SYPL1: variants seen among roughly 807,000 people sequenced by gnomAD.
SYPL1 encodes synaptophysin like 1, also known as synaptophysin-like protein 1.
A neutral mutation model predicts 23.7 loss-of-function variants in SYPL1; 6 were observed. The ratio of observed to expected loss-of-function variants is 0.25; its 90% CI spans 0.14 to 0.50. SYPL1 has a LOEUF of 0.50. Among genes scored for constraint, SYPL1 ranks in the 20% least tolerant of loss-of-function variants. SYPL1 has a pLI of 0.98. For synonymous variants in SYPL1, 102 were observed against 104.5 expected (o/e 0.98, Z 0.15); for missense variants, 253 against 288.9 (o/e 0.88, Z 0.90).
intron 1 of SYPL1, among the ~76,000 whole-genome samples, chr7:106,110,463 T>A (rs1406280824): frequency 6.6e-6 from 1 of 152,224 alleles, no homozygotes; most frequent in Non-Finnish European, 1.5e-5. Flanking sequence ...ATGGCATTTT[T>A]GTATTTTGTA....
At chr7:106,111,563 C>T (rs1790150958) in intron 1 of SYPL1, among the ~76,000 whole-genome samples, 1 of 152,204 alleles carries the variant, frequency 6.6e-6, no homozygotes, top group Non-Finnish European at 1.5e-5. Flanking sequence ...TGACTCGATG[C>T]GTTTTGTTAA....
intron 1 of SYPL1, among the ~76,000 whole-genome samples, chr7:106,099,581 A>T (rs1840209137): frequency 6.6e-6 from 1 of 151,972 alleles, no homozygotes; most frequent in Non-Finnish European, 1.5e-5. Flanking sequence ...TTTAGTAGAG[A>T]TGAGGCCTCG....
rs1206407796 is a variant in SYPL1 at position 106,091,380 on chromosome 7, A to G, written c.*425T>C. The G allele has an allele frequency of 6.5e-6, 1 of 153,464 alleles. No individual in the cohort carries two copies. Among genetic ancestry groups the G allele is most frequent in the African/African-American group, 2.4e-5 (1 of 41,496 alleles). 9.5% of individuals were successfully genotyped at this position (153,464 alleles called of 1,614,324 possible). A position where few individuals can be genotyped will look rare whatever the true frequency, so the allele number is the denominator to read the frequency against. On this transcript the variant is annotated 3_prime_UTR_variant, in exon 5 of 5. Transcript: ENST00000455385. The surrounding 1 kb of genome is among the most constrained non-coding windows in gnomAD (Gnocchi z 5.0). ...CATATTTATGTAATCAAGGCTCTTTAAGCAAAGACAGGTGGTAGGTATATG... is the reference window on the plus strand; with the variant it reads ...CATATTTATGTAATCAAGGCTCTTTGAGCAAAGACAGGTGGTAGGTATATG...
chr7:106,094,558 T>C, intron 3 of SYPL1, among the ~76,000 whole-genome samples: 1 of 152,364 alleles, frequency 6.6e-6, no homozygotes, highest in South Asian at 2.1e-4. Flanking sequence ...TTCTGCACTG[T>C]GGAAGTACTC....
chr7:106,112,013 C>A, intron 1 of SYPL1, 127 bp downstream of exon 1: 1 of 1,121,048 alleles, frequency 8.9e-7, no homozygotes, highest in Non-Finnish European at 1.1e-6. Flanking sequence ...CGTCCACTCC[C>A]AGTCCCGGGG....
At chr7:106,106,027 T>C (rs1017224048) in intron 1 of SYPL1, among the ~76,000 whole-genome samples, 1 of 152,146 alleles carries the variant, frequency 6.6e-6, no homozygotes, top group Non-Finnish European at 1.5e-5. Flanking sequence ...TCAACAGCCA[T>C]ATTACAAGGT....
At chr7:106,111,337 G>C (rs894926073) in intron 1 of SYPL1, among the ~76,000 whole-genome samples, 9 of 152,214 alleles carry the variant, frequency 5.9e-5, no homozygotes, top group Non-Finnish European at 1.2e-4. Flanking sequence ...AGTGGGCCGC[G>C]AAGTTTGAAG....
At position 106,091,663 on chromosome 7, in the gene SYPL1, T is replaced by C. The variant is rs906974053; in HGVS notation, c.*142A>G. 2.4e-6 allele frequency: 2 copies of C among 820,760 alleles called. No individual in the cohort carries two copies. Among genetic ancestry groups the C allele is most frequent in the African/African-American group, 1.7e-5 (1 of 57,398 alleles). 50.8% of individuals were successfully genotyped at this position (820,760 alleles called of 1,614,324 possible). On this transcript the variant is annotated 3_prime_UTR_variant, in exon 5 of 5. Transcript: ENST00000455385. The surrounding 1 kb of genome is among the most constrained non-coding windows in gnomAD (Gnocchi z 5.0). ...CTTTCTAGGAAAGGCACAGGCTTTA[T>C]GTAAAAAAGCAGCAAAGTTTTAAAC...
At chr7:106,110,702 T>A (rs1410540092) in intron 1 of SYPL1, among the ~76,000 whole-genome samples, 2 of 152,244 alleles carry the variant, frequency 1.3e-5, no homozygotes, top group South Asian at 2.1e-4. Flanking sequence ...AAAACACGAA[T>A]GAACTTATCA....
intron 3 of SYPL1, among the ~76,000 whole-genome samples, chr7:106,094,357 A>C (rs1024562): frequency 0.48 from 73,021 of 152,030 alleles, 17,840 homozygotes; most frequent in Admixed American, 0.55. Context: ...GGAGATATAG[A>C]AGCTATGCTA....
At position 106,097,976 on chromosome 7, in the gene SYPL1, CA is replaced by C; in HGVS notation, c.195-80del. 1 of 1,123,316 alleles carries C rather than the reference CA, an allele frequency of 8.9e-7. No individual in the cohort carries two copies. The highest frequency in any genetic ancestry group is 1.3e-6 in the Non-Finnish European group (1 of 788,876). 69.6% of individuals were successfully genotyped at this position (1,123,316 alleles called of 1,614,324 possible). Reference sequence around the variant, plus strand: ...TTAAGCAAAACAATGAGTGACACTTCAAAAAATACTCCCCAAATATATTAAA... The same window carrying C: ...TTAAGCAAAACAATGAGTGACACTTCAAAAATACTCCCCAAATATATTAAA... On this transcript the variant is annotated intron_variant, in intron 2 of 4. Coordinates refer to ENST00000455385, the MANE Select transcript of SYPL1 (RefSeq NM_182715.4). The surrounding 1 kb of genome is among the most constrained non-coding windows in gnomAD (Gnocchi z 4.6).
chr7:106,093,642 T>C (rs1010972768), intron 3 of SYPL1, among the ~76,000 whole-genome samples: 1 of 127,754 alleles, frequency 7.8e-6, no homozygotes, highest in Admixed American at 8.7e-5. Context: ...CCTCACTTAT[T>C]TTAATCAATT....
At chr7:106,108,617 T>C (rs551117401) in intron 1 of SYPL1, among the ~76,000 whole-genome samples, 67 of 152,336 alleles carry the variant, frequency 4.4e-4, no homozygotes, top group South Asian at 1.0e-3. Context: ...GGTCCAGGTC[T>C]TGAGAGGCTA....
In SYPL1 at chr7:106,091,530, G is replaced by C. The variant is rs1585932454; in HGVS notation, c.*275C>G. ...GGCTTAAGGTGTAAACACTTTGGAA[G>C]GCAAACAGCTTAGTGAAAAAAATTA... is the stretch of plus-strand genomic sequence containing the variant. On this transcript the variant is annotated 3_prime_UTR_variant, in exon 5 of 5. Transcript: ENST00000455385. The surrounding 1 kb of genome is among the most constrained non-coding windows in gnomAD (Gnocchi z 5.0). 3.3e-6 allele frequency: 1 copy of C among 304,178 alleles called. No individual in the cohort carries two copies. Among genetic ancestry groups the C allele is most frequent in the Non-Finnish European group, 6.1e-6 (1 of 164,102 alleles). The allele number at this position is 304,178 out of a possible 1,614,324, so 18.8% of individuals were successfully genotyped here.
intron 1 of SYPL1, among the ~76,000 whole-genome samples, chr7:106,105,685 A>G (rs984847108): frequency 2.6e-5 from 4 of 152,040 alleles, no homozygotes; most frequent in African/African-American, 7.3e-5. Flanking sequence ...TTGAAGCTTT[A>G]TTGCAATTAA....
In SYPL1 at chr7:106,091,986, A is replaced by G; in HGVS notation, c.592-47T>C. The G allele has an allele frequency of 6.5e-7, 1 of 1,545,494 alleles. No homozygotes were observed. The highest frequency in any genetic ancestry group is 1.2e-5 in the South Asian group (1 of 83,012). ...ATGAAAATCAAATACCTACTTATAA[A>G]AATTCATGCCCTACTTAAAAATCTC... is the stretch of plus-strand genomic sequence containing the variant. On this transcript the variant is annotated intron_variant, in intron 4 of 4. Coordinates refer to ENST00000455385, the MANE Select transcript of SYPL1 (RefSeq NM_182715.4). This position sits in a 1 kb window ranked among gnomAD's most constrained non-coding sequence, Gnocchi z 5.0.
chr7:106,091,946 A>G lies in SYPL1; in HGVS notation c.592-7T>C. ...TATTTAGAAAGCCAAATATCTATGA[A>G]AGAGAAAAAGAAATATGAAAATCAA... On this transcript the variant is annotated splice_polypyrimidine_tract_variant and splice_region_variant and intron_variant, in intron 4 of 4. Coordinates refer to ENST00000455385, the MANE Select transcript of SYPL1 (RefSeq NM_182715.4). The surrounding 1 kb of genome is among the most constrained non-coding windows in gnomAD (Gnocchi z 5.0). The G allele has an allele frequency of 6.3e-7, 1 of 1,592,112 alleles. No homozygotes were observed. The highest frequency in any genetic ancestry group is 1.9e-5 in the Admixed American group (1 of 52,992).
rs1001938893 is a variant in SYPL1, at chr7:106,095,386, G to A, written c.403-2249C>T. Among the ~76,000 whole-genome samples, 6 of 148,842 alleles carry A rather than the reference G, an allele frequency of 4.0e-5. No homozygotes were observed. Among genetic ancestry groups the A allele is most frequent in the Non-Finnish European group, 7.4e-5 (5 of 67,500 alleles). On this transcript the variant is annotated intron_variant, in intron 3 of 4. Transcript: ENST00000455385. This position sits in a 1 kb window ranked among gnomAD's most constrained non-coding sequence, Gnocchi z 4.3. ...TTCCCCTGAGATGGAGTCTTGCTCT[G>A]TCACCTAGGCTGGAATACAGTGGTG...
intron 1 of SYPL1, among the ~76,000 whole-genome samples, chr7:106,108,501 G>T (rs1429610763): frequency 6.6e-6 from 1 of 151,982 alleles, no homozygotes; most frequent in Non-Finnish European, 1.5e-5. Flanking sequence ...TTGGCCTTCT[G>T]AGTCCCCTGG....
Sources: gnomAD v4.1 joint callset for allele counts (sites outside exome capture counted in the v4.1 genomes callset) on GRCh38, gnomAD v4.1.1 for gene constraint, Gnocchi (gnomAD v3.1) non-coding constraint, MANE v1.5 for transcripts, NCBI Gene and HGNC (gene_info 2026-07-23, HGNC 2026-07-21) for gene names.